TMEM232: variants seen among roughly 807,000 people sequenced by gnomAD.
TMEM232 encodes transmembrane protein 232.
Under a neutral mutation model 78.8 loss-of-function variants are expected in TMEM232, and 80 were observed. That is an observed-to-expected ratio of 1.01 (90% confidence interval 0.85 to 1.22). The LOEUF (loss-of-function observed/expected upper bound fraction) is 1.22. TMEM232 is among the 50% of genes most tolerant of loss of function. The probability of loss-of-function intolerance (pLI) is 0.00; values close to 1 mark genes in which losing one functional copy is unlikely to be tolerated. For missense variants in TMEM232, 881 were observed against 742.2 expected (o/e 1.19, Z -2.17); for synonymous variants, 297 against 254.3 (o/e 1.17, Z -1.60).
intron 12 of TMEM232, among the ~76,000 whole-genome samples, chr5:110,509,285 A>T (rs1767405414): frequency 6.6e-6 from 1 of 151,906 alleles, no homozygotes; most frequent in Non-Finnish European, 1.5e-5. Flanking sequence ...AAATAAAAAA[A>T]TTAGCTAGGT....
intron 11 of TMEM232, among the ~76,000 whole-genome samples, chr5:110,542,996 C>G (rs1773347192): frequency 6.6e-6 from 1 of 152,140 alleles, no homozygotes; most frequent in South Asian, 2.1e-4. Flanking sequence ...CTTGCTCAAG[C>G]CTGCTCCCAC....
At chr5:110,490,815 G>A (rs1437270519) in intron 12 of TMEM232, among the ~76,000 whole-genome samples, 1 of 152,008 alleles carries the variant, frequency 6.6e-6, no homozygotes, top group African/African-American at 2.4e-5. Flanking sequence ...CATCATATCA[G>A]AAGTTAACTA....
chr5:110,728,983 C>G (rs1262704496), upstream of TMEM232, among the ~76,000 whole-genome samples: 1 of 151,954 alleles, frequency 6.6e-6, no homozygotes, highest in East Asian at 1.9e-4. Flanking sequence ...CTCCTGGGTT[C>G]AAGCGATTCT....
intron 10 of TMEM232, among the ~76,000 whole-genome samples, chr5:110,578,624 C>T (rs1777830578): frequency 1.3e-5 from 2 of 151,892 alleles, no homozygotes; most frequent in Admixed American, 1.3e-4. Flanking sequence ...ATATTTCCTA[C>T]TTCATCCCAT....
intron 10 of TMEM232, among the ~76,000 whole-genome samples, chr5:110,569,539 G>A (rs146781678): frequency 0.031 from 4,694 of 151,906 alleles, 103 homozygotes; most frequent in African/African-American, 0.055. Context: ...CAGAAAGGGA[G>A]CTGGAAGAGT....
intron 3 of TMEM232, among the ~76,000 whole-genome samples, chr5:110,392,498 T>C (rs80324546): frequency 0.02 from 2,998 of 152,276 alleles, 97 homozygotes; most frequent in African/African-American, 0.069. Flanking sequence ...AATTTATTTC[T>C]CACAGTAATG....
chr5:110,724,379 C>T (rs1341598739), intron 1 of TMEM232, among the ~76,000 whole-genome samples: 1 of 152,160 alleles, frequency 6.6e-6, no homozygotes, highest in Non-Finnish European at 1.5e-5. Context: ...GAATTCTGGG[C>T]ACCCAGCTCA....
chr5:110,628,878 A>G (rs1035262657), intron 5 of TMEM232: 2 of 152,152 alleles, frequency 1.3e-5, no homozygotes. Context: ...TCCAAAAGCC[A>G]TGAGCTTTCT....
chr5:110,522,339 T>A (rs572939581), intron 12 of TMEM232, among the ~76,000 whole-genome samples: 1 of 152,288 alleles, frequency 6.6e-6, no homozygotes, highest in Non-Finnish European at 1.5e-5. Context: ...TAGGGTTACA[T>A]ATATATAAGG....
chr5:110,417,437 CT>C (rs1406834551), downstream of TMEM232, among the ~76,000 whole-genome samples: 1 of 152,036 alleles, frequency 6.6e-6, no homozygotes, highest in Non-Finnish European at 1.5e-5. Context: ...ACTCAGAATC[CT>C]TTGTGAGTTT....
intron 11 of TMEM232, among the ~76,000 whole-genome samples, chr5:110,529,542 C>T (rs545126970): frequency 8.6e-5 from 13 of 151,954 alleles, no homozygotes; most frequent in Non-Finnish European, 1.9e-4. Flanking sequence ...CCACCATGCC[C>T]GGCCAAACAG....
At chr5:110,405,335 A>C (rs1433845959) in intron 2 of TMEM232, among the ~76,000 whole-genome samples, 1 of 152,096 alleles carries the variant, frequency 6.6e-6, no homozygotes, top group Non-Finnish European at 1.5e-5. Context: ...AACAAATTAA[A>C]TTTTTATAGT....
At chr5:110,472,842 A>C (rs1004651999) in intron 12 of TMEM232, among the ~76,000 whole-genome samples, 2 of 151,946 alleles carry the variant, frequency 1.3e-5, no homozygotes, top group African/African-American at 4.8e-5. Context: ...TCTTTTCAAT[A>C]AATGATGGTT....
intron 2 of TMEM232, among the ~76,000 whole-genome samples, chr5:110,664,683 G>A (rs1417034536): frequency 2.6e-5 from 4 of 152,210 alleles, no homozygotes; most frequent in Non-Finnish European, 5.9e-5. Context: ...AGCATGGGCT[G>A]GTTTTGGTGA....
intron 1 of TMEM232, among the ~76,000 whole-genome samples, chr5:110,688,564 TA>T (rs1194863077): frequency 2.0e-5 from 3 of 152,090 alleles, no homozygotes; most frequent in Non-Finnish European, 4.4e-5. Flanking sequence ...AGTAGAGGCA[TA>T]AAAATCTTCC....
intron 1 of TMEM232, among the ~76,000 whole-genome samples, chr5:110,737,337 A>T (rs959545062): frequency 2.6e-5 from 4 of 152,196 alleles, no homozygotes; most frequent in African/African-American, 9.6e-5. Flanking sequence ...ATTATGAGCA[A>T]GCATGCCATA....
intron 11 of TMEM232, among the ~76,000 whole-genome samples, chr5:110,529,176 T>C (rs1172451866): frequency 6.6e-6 from 1 of 151,952 alleles, no homozygotes; most frequent in East Asian, 1.9e-4. Flanking sequence ...TCAGTTGAAG[T>C]AATGTACATT....
intron 13 of TMEM232, among the ~76,000 whole-genome samples, chr5:110,424,164 A>G (rs1464344321): frequency 3.3e-5 from 5 of 152,110 alleles, no homozygotes; most frequent in African/African-American, 1.2e-4. Context: ...GAAAAAATTA[A>G]TTGTTAATTT....
At position 110,650,976 on chromosome 5, in the gene TMEM232, C is replaced by T. The variant is rs146155277; in HGVS notation, c.126-8605G>A. Among the ~76,000 whole-genome samples, 722 of 152,076 alleles carry T rather than the reference C, an allele frequency of 4.7e-3. 2 individuals carry two copies. Among genetic ancestry groups the T allele is most frequent in the Middle Eastern group, 0.01 (3 of 294 alleles). ...TGTTCTAAACAATAAATGTATTTTA[C>T]AAAAATAAATGTTGACAAATAAAAA... is the stretch of plus-strand genomic sequence containing the variant. On this transcript the variant is annotated intron_variant, in intron 2 of 13. Transcript: ENST00000455884.
Sources: allele counts gnomAD v4.1 joint callset (sites outside exome capture counted in the v4.1 genomes callset), GRCh38; gene constraint gnomAD v4.1.1; transcripts MANE v1.5; gene names NCBI Gene and HGNC (gene_info 2026-07-23, HGNC 2026-07-21).